Variants in GPN1 observed in about 807,000 individuals in gnomAD.
GPN1 encodes the protein GPN-loop GTPase 1.
Under a neutral mutation model 55.9 loss-of-function variants are expected in GPN1, and 44 were observed. The ratio of observed to expected loss-of-function variants is 0.79; its 90% confidence interval spans 0.62 to 1.01. The LOEUF is 1.01. GPN1 is among the 50% of genes least tolerant of loss of function. GPN1 has a pLI of 0.00. For synonymous variants in GPN1, 179 were observed against 162.5 expected, an observed-to-expected ratio of 1.10 and a Z score of -0.77; for missense variants, 466 against 462.8, an observed-to-expected ratio of 1.01 and a Z score of -0.06.
intron 7 of GPN1, among the ~76,000 whole-genome samples, chr2:27,636,615 T>C (rs115313027): frequency 0.025 from 3,845 of 152,080 alleles, 75 homozygotes; most frequent in African/African-American, 0.051. Context: ...CTGCCTCAGC[T>C]TCCTGAGTAG....
Position 27,640,092 on chromosome 2 carries a change from T to C in GPN1, c.767T>C (p.Val256Ala). The C allele has an allele frequency of 6.2e-7, 1 of 1,613,064 alleles. No individual in the cohort carries two copies. Among genetic ancestry groups the C allele is most frequent in the South Asian group, 1.1e-5 (1 of 91,080 alleles). The change falls in exon 10 of 14, where the codon GTG becomes GCG. Residue 256 changes from valine (V) to alanine (A), a missense_variant. Coordinates refer to ENST00000610189, the MANE Select transcript of GPN1 (RefSeq NM_007266.4). The stretch of plus-strand genomic sequence containing the variant: ...GGTACTGGATTAGATGAACTCTTTG[T>C]GCAAGTTACCAGTGCTGCCGAAGAA... ...VLGTGLDELF[V>A]QVTSAAEEYE...
chr2:27,635,130 G>C lies in GPN1; in HGVS notation c.430-10G>C. ...CTCTGACCAAGGCTTTGATTTTTTT[G>C]TGGCTTTAGGCATCCTCATTTCCAA... On this transcript the variant is annotated splice_polypyrimidine_tract_variant and intron_variant, in intron 6 of 13. Coordinates refer to ENST00000610189, the MANE Select transcript of GPN1 (RefSeq NM_007266.4). 6.6e-7 allele frequency: 1 copy of C among 1,512,892 alleles called. No homozygotes were observed. 93.7% of individuals were successfully genotyped at this position (1,512,892 alleles called of 1,614,324 possible).
rs555777162 is a variant in GPN1 at position 27,645,719 on chromosome 2, A to T, written c.932-2117A>T. On this transcript the variant is annotated intron_variant, in intron 12 of 13. Coordinates refer to ENST00000610189, the MANE Select transcript of GPN1 (RefSeq NM_007266.4). ...TGTTTCTTTTTAATTTTTTTTTTTTAAAACAAATCATCTTTATGTATTTGT... is the reference window on the plus strand; with the variant it reads ...TGTTTCTTTTTAATTTTTTTTTTTTTAAACAAATCATCTTTATGTATTTGT... Among the ~76,000 whole-genome samples, 630 of 150,352 alleles carry T rather than the reference A, an allele frequency of 4.2e-3. 17 individuals are homozygous for T. The South Asian group carries it at 0.058, about 14-fold the overall frequency.
Position 27,641,250 on chromosome 2 carries a change from C to A in GPN1, c.811C>A (p.Pro271Thr). Residue 271 changes from proline (P) to threonine (T), a missense_variant, in exon 11 of 14, where the codon CCT becomes ACT. Coordinates refer to ENST00000610189, the MANE Select transcript of GPN1 (RefSeq NM_007266.4). ...TGTTTCTCTTTACAGGGAGTATCGT[C>A]CTGAATATGAACGTCTGAAAAAATC... Reference protein sequence around the residue: ...AAEEYEREYRPEYERLKKSLA... With the variant: ...AAEEYEREYRTEYERLKKSLA... 6.2e-7 allele frequency: 1 copy of A among 1,607,874 alleles called. No individual in the cohort carries two copies. The highest frequency in any genetic ancestry group is 8.5e-7 in the Non-Finnish European group (1 of 1,174,778).
chr2:27,641,238 A>G lies in GPN1; in HGVS notation c.801-2A>G, dbSNP rs1224779731. 6.2e-6 allele frequency: 10 copies of G among 1,601,976 alleles called. No homozygotes were observed. The highest frequency in any genetic ancestry group is 7.7e-6 in the Non-Finnish European group (9 of 1,169,368). On this transcript the variant is annotated splice_acceptor_variant, in intron 10 of 13. Transcript: ENST00000610189. LOFTEE classifies it high-confidence loss of function. Reference sequence around the variant, plus strand: ...GAATTTAGAAAGTGTTTCTCTTTACAGGGAGTATCGTCCTGAATATGAACG... The same window carrying G: ...GAATTTAGAAAGTGTTTCTCTTTACGGGGAGTATCGTCCTGAATATGAACG...
chr2:27,647,074 A>C (rs1674269992), intron 12 of GPN1, among the ~76,000 whole-genome samples: 1 of 152,208 alleles, frequency 6.6e-6, no homozygotes, highest in Non-Finnish European at 1.5e-5. Flanking sequence ...GCACAGAATG[A>C]AGCATTTACT....
At position 27,643,743 on chromosome 2, in the gene GPN1, T is replaced by G. The variant is rs1293401509; in HGVS notation, c.931+1224T>G. Among the ~76,000 whole-genome samples the G allele has an allele frequency of 6.6e-6, 1 of 152,230 alleles. No homozygotes were observed. Among genetic ancestry groups the G allele is most frequent in the Non-Finnish European group, 1.5e-5 (1 of 68,034 alleles). On this transcript the variant is annotated intron_variant, in intron 12 of 13. Transcript: ENST00000610189. The surrounding 1 kb of genome is among the most constrained non-coding windows in gnomAD (Gnocchi z 4.0). Reference sequence around the variant, plus strand: ...GGTTTGTCTCATGTTTCCTCATGATTTGATTCAGGTGACTAATTTTTGAAT... The same window carrying G: ...GGTTTGTCTCATGTTTCCTCATGATGTGATTCAGGTGACTAATTTTTGAAT...
At chr2:27,628,704 C>A, upstream of GPN1, 3 of 1,551,662 alleles carry the variant, frequency 1.9e-6, no homozygotes, top group Non-Finnish European at 2.6e-6. Flanking sequence ...TCTGTGGGCT[C>A]AAAATGACAG....
intron 9 of GPN1, among the ~76,000 whole-genome samples, 169 bp from the exon 10 acceptor site, chr2:27,639,874 T>G (rs764064845): frequency 3.3e-5 from 5 of 152,220 alleles, no homozygotes; most frequent in Non-Finnish European, 7.3e-5. Flanking sequence ...TTTCTGTGAC[T>G]TTTGACTGGG....
In GPN1 at chr2:27,642,256, TA is replaced by T. The variant is rs374533559; in HGVS notation, c.841-171del. The T allele has an allele frequency of 8.8e-5, 50 of 565,842 alleles. No individual in the cohort carries two copies. The African/African-American group carries it at 9.0e-4, about 10-fold the overall frequency. 35.1% of individuals were successfully genotyped at this position (565,842 alleles called of 1,614,324 possible). A position where few individuals can be genotyped will look rare whatever the true frequency, so the allele number is the denominator to read the frequency against. On this transcript the variant is annotated intron_variant, in intron 11 of 13. Coordinates refer to ENST00000610189, the MANE Select transcript of GPN1 (RefSeq NM_007266.4). ...AGCCCTCCAGTCTAAACTTCTGCAGTAACCCAGGCCCACGCTACTTAGTGTT... is the reference window on the plus strand; with the variant it reads ...AGCCCTCCAGTCTAAACTTCTGCAGTACCCAGGCCCACGCTACTTAGTGTT...
In GPN1 at chr2:27,629,115, A is replaced by G; in HGVS notation, c.57A>G (p.Pro19=). The change falls in exon 1 of 14, where the codon CCA becomes CCG. Residue 19 remains proline (P), a synonymous_variant. Transcript: ENST00000610189. ...AGGCTTCTGGGGGTCCGCGGCACCC[A>G]GTGTGTCTGTTGGTGTTGGGAATGG... ...ELQASGGPRH[P]VCLLVLGMAG... is the part of the protein sequence containing the mutation. 1 of 1,614,176 alleles carries G rather than the reference A, an allele frequency of 6.2e-7. No homozygotes were observed. The highest frequency in any genetic ancestry group is 1.6e-4 in the Middle Eastern group (1 of 6,062).
At chr2:27,646,361 A>G (rs1360389543) in intron 12 of GPN1, among the ~76,000 whole-genome samples, 1 of 152,128 alleles carries the variant, frequency 6.6e-6, no homozygotes, top group African/African-American at 2.4e-5. Context: ...AATTTATTCT[A>G]AGTATTTAAC....
Position 27,642,493 on chromosome 2 carries a change from T to C in GPN1, c.905T>C (p.Val302Ala), listed in dbSNP as rs1673996787. 2 of 1,611,562 alleles carry C rather than the reference T, an allele frequency of 1.2e-6. No homozygotes were observed. The highest frequency in any genetic ancestry group is 2.2e-5 in the East Asian group (1 of 44,870). Residue 302 changes from valine to alanine, a missense_variant, in exon 12 of 14, where the codon GTA (valine) becomes GCA (alanine). Physicochemically the swap from Val to Ala is moderately conservative, Grantham distance 64. Transcript: ENST00000610189. ...CGCCTTCGAAAAGATATGGGTTCTGTAGCCTTGGATGCAGGGACTGCCAAA... is the reference window on the plus strand; with the variant it reads ...CGCCTTCGAAAAGATATGGGTTCTGCAGCCTTGGATGCAGGGACTGCCAAA... ...LERLRKDMGS[V>A]ALDAGTAKDS...
At chr2:27,644,111 G>A (rs185474464) in intron 12 of GPN1, among the ~76,000 whole-genome samples, 1 of 152,292 alleles carries the variant, frequency 6.6e-6, no homozygotes, top group Non-Finnish European at 1.5e-5. Flanking sequence ...GGAGGCAGAA[G>A]TTGCAGTGAG....
chr2:27,650,286 G>C lies in GPN1; in HGVS notation c.*86G>C. 1 of 723,454 alleles carries C rather than the reference G, an allele frequency of 1.4e-6. No individual in the cohort carries two copies. The highest frequency in any genetic ancestry group is 2.4e-6 in the Non-Finnish European group (1 of 418,726). 44.8% of individuals were successfully genotyped at this position (723,454 alleles called of 1,614,324 possible). The stretch of plus-strand genomic sequence containing the variant: ...GAACTGTTCTTACCTCTGAACTGGG[G>C]GCTCCCATAAGGGATAATTTTCCTC... On this transcript the variant is annotated 3_prime_UTR_variant, in exon 14 of 14. Coordinates refer to ENST00000610189, the MANE Select transcript of GPN1 (RefSeq NM_007266.4).
intron 12 of GPN1, among the ~76,000 whole-genome samples, chr2:27,645,532 A>G (rs559390548): frequency 7.2e-5 from 11 of 152,186 alleles, no homozygotes; most frequent in African/African-American, 2.6e-4. Context: ...CATCTCTATG[A>G]TGTTCAGTCT....
chr2:27,642,956 TATACACACACACAC>T (rs1387276393), intron 12 of GPN1, among the ~76,000 whole-genome samples: 3 of 85,830 alleles, frequency 3.5e-5, no homozygotes, highest in East Asian at 6.2e-4. Context: ...TATATATATA[TATACACACACACAC>T]ACACACACAC....
chr2:27,642,651 C>A, intron 12 of GPN1, 132 bp downstream of exon 12: 5 of 595,320 alleles, frequency 8.4e-6, no homozygotes, highest in Non-Finnish European at 3.1e-6. Context: ...ACAACCTCCA[C>A]CTCCCAGGTT....
chr2:27,644,132 G>A (rs1044064445), intron 12 of GPN1, among the ~76,000 whole-genome samples: 2 of 152,112 alleles, frequency 1.3e-5, no homozygotes, highest in Non-Finnish European at 2.9e-5. Flanking sequence ...CAAAGATCGC[G>A]CCACTGCACT....
Sources: gnomAD v4.1 joint callset for allele counts (sites outside exome capture counted in the v4.1 genomes callset) on GRCh38, gnomAD v4.1.1 for gene constraint, Gnocchi (gnomAD v3.1) non-coding constraint, MANE v1.5 for transcripts, NCBI Gene and HGNC (gene_info 2026-07-23, HGNC 2026-07-21) for gene names.